FILIP1L: variants seen among roughly 807,000 people sequenced by gnomAD.
FILIP1L encodes filamin A-interacting protein 1-like.
FILIP1L carries 55 observed loss-of-function variants against 96.6 expected under a neutral mutation model. The ratio of observed to expected loss-of-function variants is 0.57; its 90% confidence interval spans 0.46 to 0.71. The LOEUF (loss-of-function observed/expected upper bound fraction) is 0.71. FILIP1L is among the 30% of genes least tolerant of loss of function. The probability of loss-of-function intolerance (pLI) is 0.00; values close to 1 mark genes in which losing one functional copy is unlikely to be tolerated. For missense variants in FILIP1L, 1,304 were observed against 1,321.2 expected (o/e 0.99, Z 0.20); for synonymous variants, 467 against 473.9 (o/e 0.99, Z 0.19).
rs867882028 is a variant in FILIP1L at position 99,832,844 on chromosome 3, A to G, written c.3382-2239T>C. On this transcript the variant is annotated intron_variant, in intron 5 of 5. Transcript: ENST00000477258. ...CACAGAGCAAGACTCTGTCTCAAAA[A>G]AAAAAAAAAAAAAGTTGTTTTTTTT... is the stretch of plus-strand genomic sequence containing the variant. Among the ~76,000 whole-genome samples the G allele has an allele frequency of 5.5e-3, 818 of 148,992 alleles. 10 individuals carry two copies. Among genetic ancestry groups the G allele is most frequent in the African/African-American group, 0.019 (786 of 40,728 alleles).
rs1473514552 is a variant in FILIP1L, at chr3:99,849,607, G to C, written c.2069C>G (p.Ala690Gly). 6.2e-7 allele frequency: 1 copy of C among 1,613,190 alleles called. No homozygotes were observed. ...TTCATGGCTGGTCTCTGTCTTTTCT[G>C]CTAACTTGTACTTAGCAAGTTCCAT... ...VKMELAKYKL[A>G]EKTETSHEQW... is the part of the protein sequence containing the mutation. The change falls in exon 5 of 6, where the codon GCA (alanine) becomes GGA (glycine). Residue 690 changes from alanine (A) to glycine (G), a missense_variant. By Grantham distance (60) the Ala-to-Gly change is moderately conservative (BLOSUM62 0). Coordinates refer to ENST00000477258, the MANE Select transcript of FILIP1L (RefSeq NM_001387850.1).
intron 2 of FILIP1L, 33 bp from the exon 3 acceptor site, chr3:99,930,062 C>A: frequency 1.3e-6 from 2 of 1,559,094 alleles, no homozygotes; most frequent in South Asian, 1.2e-5. Context: ...AGAAAGCCTG[C>A]TGTCTCTACC....
At chr3:99,988,490 C>T (rs552603224) in intron 1 of FILIP1L, among the ~76,000 whole-genome samples, 43 of 119,774 alleles carry the variant, frequency 3.6e-4, no homozygotes, top group African/African-American at 1.3e-3. Flanking sequence ...CCAGCCTGGG[C>T]GACAGAGCGA....
In FILIP1L at chr3:100,074,746, T is replaced by TACAATGGC. The variant is rs1421042542; in HGVS notation, c.-11+39299_-11+39306dup. 4.6e-5 allele frequency among the ~76,000 whole-genome samples: 6 copies of TACAATGGC among 130,858 alleles called. No individual in the cohort carries two copies. The East Asian group carries it at 1.5e-3, about 33-fold the overall frequency. 85.8% of individuals were successfully genotyped at this position (130,858 alleles called of 152,430 possible). Reference sequence around the variant, plus strand: ...TCTCACTCTGTTGTCCAGGCTAGAGTACAATGGCACGATCTTGGCTCACTG... The same window carrying TACAATGGC: ...TCTCACTCTGTTGTCCAGGCTAGAGTACAATGGCACAATGGCACGATCTTGGCTCACTG... On this transcript the variant is annotated intron_variant, in intron 1 of 5. Transcript: ENST00000477258.
At chr3:100,093,948 A>G (rs1362200887) in intron 1 of FILIP1L, among the ~76,000 whole-genome samples, 1 of 152,198 alleles carries the variant, frequency 6.6e-6, no homozygotes, top group Non-Finnish European at 1.5e-5. Flanking sequence ...TTGTGTGAAC[A>G]CAAGTTTTCA....
At chr3:99,893,597 T>G (rs568392184) in intron 4 of FILIP1L, among the ~76,000 whole-genome samples, 2 of 152,358 alleles carry the variant, frequency 1.3e-5, no homozygotes, top group South Asian at 4.1e-4. Flanking sequence ...TGGATCTTTT[T>G]ACTATCATGT....
intron 1 of FILIP1L, among the ~76,000 whole-genome samples, chr3:100,068,143 C>CA (rs2065698170): frequency 6.6e-6 from 1 of 152,194 alleles, no homozygotes; most frequent in Non-Finnish European, 1.5e-5. Flanking sequence ...GAGAAATGCA[C>CA]ATTTAATCAA....
At chr3:100,087,204 G>A (rs1392740367) in intron 1 of FILIP1L, among the ~76,000 whole-genome samples, 1 of 152,214 alleles carries the variant, frequency 6.6e-6, no homozygotes, top group Non-Finnish European at 1.5e-5. Context: ...TCTTGTGAGT[G>A]TTTCTCTAGG....
intron 1 of FILIP1L, among the ~76,000 whole-genome samples, chr3:100,109,437 G>C (rs566949443): frequency 6.6e-6 from 1 of 152,270 alleles, no homozygotes; most frequent in African/African-American, 2.4e-5. Context: ...ACATAAAGCA[G>C]TTCCATCACC....
chr3:99,980,730 G>A (rs576303103), intron 1 of FILIP1L, among the ~76,000 whole-genome samples: 61 of 152,240 alleles, frequency 4.0e-4, no homozygotes, highest in African/African-American at 1.2e-3. Context: ...CTAGCACTTG[G>A]TAAGTTCTCA....
intron 1 of FILIP1L, among the ~76,000 whole-genome samples, chr3:99,969,022 A>G (rs1310464985): frequency 2.0e-5 from 3 of 152,206 alleles, no homozygotes; most frequent in Admixed American, 6.5e-5. Context: ...CTTAGAGGAA[A>G]GAGTAAATAG....
At chr3:100,010,409 A>G (rs1017570186) in intron 1 of FILIP1L, among the ~76,000 whole-genome samples, 2 of 152,038 alleles carry the variant, frequency 1.3e-5, no homozygotes, top group Non-Finnish European at 2.9e-5. Flanking sequence ...CTTTATAGCT[A>G]TTGTCCTCAA....
At chr3:100,090,121 A>G (rs756943450) in intron 1 of FILIP1L, among the ~76,000 whole-genome samples, 1 of 152,218 alleles carries the variant, frequency 6.6e-6, no homozygotes, top group East Asian at 1.9e-4. Context: ...AGCTCCTTCC[A>G]TGGAGGGCTT....
intron 4 of FILIP1L, among the ~76,000 whole-genome samples, chr3:99,875,294 T>G (rs112259847): frequency 6.6e-6 from 1 of 152,354 alleles, no homozygotes; most frequent in Non-Finnish European, 1.5e-5. Context: ...TAGATGTAAC[T>G]AATTATGGTT....
chr3:99,984,060 T>TGTGTGTGTGTGTGTG (rs1559714079), intron 1 of FILIP1L, among the ~76,000 whole-genome samples: 2 of 24,978 alleles, frequency 8.0e-5, no homozygotes, highest in South Asian at 1.4e-3. Context: ...GTATGTGTGT[T>TGTGTGTGTGTGTGTG]TGTGTGTGTG....
At chr3:100,036,364 T>C (rs1466077922) in intron 1 of FILIP1L, among the ~76,000 whole-genome samples, 1 of 152,046 alleles carries the variant, frequency 6.6e-6, no homozygotes, top group Non-Finnish European at 1.5e-5. Flanking sequence ...TTAGGAAGTC[T>C]CAAAAAATGA....
intron 1 of FILIP1L, among the ~76,000 whole-genome samples, chr3:99,960,336 A>C (rs187068777): frequency 5.5e-4 from 84 of 152,272 alleles, no homozygotes; most frequent in African/African-American, 2.0e-3. Flanking sequence ...GAGGGCTCCA[A>C]AAAGTTAAGT....
chr3:99,972,277 C>A (rs1307264781), intron 1 of FILIP1L, among the ~76,000 whole-genome samples: 1 of 152,078 alleles, frequency 6.6e-6, no homozygotes, highest in African/African-American at 2.4e-5. Context: ...AATAGAGTAC[C>A]CTAGTTTTGT....
intron 1 of FILIP1L, among the ~76,000 whole-genome samples, chr3:99,948,432 T>C (rs1021307874): frequency 4.0e-5 from 6 of 150,858 alleles, no homozygotes; most frequent in Non-Finnish European, 7.4e-5. Context: ...CATCTACTCG[T>C]GAGGCTGAGG....
Sources: gnomAD v4.1 joint callset for allele counts (sites outside exome capture counted in the v4.1 genomes callset) on GRCh38, gnomAD v4.1.1 for gene constraint, MANE v1.5 for transcripts, NCBI Gene and HGNC (gene_info 2026-07-23, HGNC 2026-07-21) for gene names.